The following SLX4 variants were observed in gnomAD, a reference collection of about 807,000 sequenced individuals.
SLX4 encodes SLX4 structure-specific endonuclease subunit, also known as structure-specific endonuclease subunit SLX4.
In SLX4, 112 loss-of-function variants were observed where a neutral mutation model predicts 146.2. That is an observed-to-expected ratio of 0.77 (90% CI 0.66 to 0.90). The LOEUF (loss-of-function observed/expected upper bound fraction) is 0.90. Ranked by LOEUF, SLX4 falls within the 40% of genes least tolerant of loss-of-function variation. The pLI, the probability that SLX4 is intolerant of heterozygous loss-of-function variation, is 0.00. For synonymous variants in SLX4, 1,061 were observed against 997.7 expected, an observed-to-expected ratio of 1.06 and a Z score of -1.20; for missense variants, 2,563 against 2,392.7, an observed-to-expected ratio of 1.07 and a Z score of -1.49.
rs1226425568 is a variant in SLX4, at chr16:3,588,834, G to A, written c.4636+168C>T. The stretch of plus-strand genomic sequence containing the variant: ...AGAAGTGTAGCATGAGAACCAGCCC[G>A]GCTCTCCTCCACTGTGGAGGGGAGT... On this transcript the variant is annotated intron_variant, in intron 12 of 14. Coordinates refer to ENST00000294008, the MANE Select transcript of SLX4 (RefSeq NM_032444.4). Among the ~76,000 whole-genome samples, 3 of 152,116 alleles carry A rather than the reference G, an allele frequency of 2.0e-5. No homozygotes were observed. In the East Asian group the frequency reaches 5.8e-4, roughly 29 times the overall value.
At position 3,609,068 on chromosome 16, in the gene SLX4, T is replaced by C. The variant is rs73505426; in HGVS notation, c.-104A>G. 3,782 of 1,400,416 alleles carry C rather than the reference T, an allele frequency of 2.7e-3. 91 individuals are homozygous for C. The African/African-American group carries it at 0.048, about 18-fold the overall frequency. The allele number at this position is 1,400,416 out of a possible 1,614,324, so 86.7% of individuals were successfully genotyped here. On this transcript the variant is annotated 5_prime_UTR_variant, in exon 2 of 15. Transcript: ENST00000294008. ...AATGATTGAAGTATCTTTGTTCAAA[T>C]TGGGCCTGTGGTTAAACATGTTTAA...
intron 12 of SLX4, among the ~76,000 whole-genome samples, chr16:3,586,294 G>A (rs2040508011): frequency 6.6e-6 from 1 of 152,054 alleles, no homozygotes. Flanking sequence ...CCATCAGTGG[G>A]GTATTAGACA....
At chr16:3,603,478 A>G (rs55645258) in intron 3 of SLX4, among the ~76,000 whole-genome samples, 1 of 152,168 alleles carries the variant, frequency 6.6e-6, no homozygotes. Context: ...CTCCTCTGCA[A>G]CTCACATGTG....
In SLX4 at chr16:3,596,407, G is replaced by C. The variant is rs1567173446; in HGVS notation, c.1684-14C>G. ...CTGCATAAGGCCCTGAAAGAAGCCA[G>C]TAAGGAGAGTGACCACGTGGTCACT... On this transcript the variant is annotated splice_polypyrimidine_tract_variant and intron_variant, in intron 7 of 14. Coordinates refer to ENST00000294008, the MANE Select transcript of SLX4 (RefSeq NM_032444.4). The C allele has an allele frequency of 3.2e-6, 5 of 1,581,462 alleles. No individual in the cohort carries two copies. Among genetic ancestry groups the C allele is most frequent in the Non-Finnish European group, 3.4e-6 (4 of 1,160,358 alleles).
In SLX4 at chr16:3,606,623, C is replaced by T. The variant is rs1410797507; in HGVS notation, c.611G>A (p.Arg204His). The change falls in exon 3 of 15, where the codon CGC (arginine) becomes CAC (histidine). Residue 204 changes from arginine (R) to histidine (H), a missense_variant. Coordinates refer to ENST00000294008, the MANE Select transcript of SLX4 (RefSeq NM_032444.4). ...TTAVPSPSKP[R>H]TAQLVLQRMQ... ...TCGCTGTAGGACCAATTGTGCTGTG[C>T]GGGGTTTGGAGGGACTTGGCACTGC... is the stretch of plus-strand genomic sequence containing the variant. The T allele has an allele frequency of 1.3e-5, 21 of 1,614,006 alleles. No individual in the cohort carries two copies. The highest frequency in any genetic ancestry group is 1.7e-5 in the Non-Finnish European group (20 of 1,180,040).
At chr16:3,596,474 G>A (rs1403916727) in intron 7 of SLX4, 81 bp from the exon 8 acceptor site, 2 of 1,463,768 alleles carry the variant, frequency 1.4e-6, no homozygotes, top group Non-Finnish European at 1.8e-6. Context: ...CATGTGGTAT[G>A]CACGGCTGGA....
intron 3 of SLX4, among the ~76,000 whole-genome samples, chr16:3,605,582 G>A (rs1485478703): frequency 1.3e-5 from 2 of 152,082 alleles, no homozygotes; most frequent in Non-Finnish European, 2.9e-5. Context: ...AGTTCTTTGT[G>A]AATACTGAGG....
rs78100590 is a variant in SLX4, at chr16:3,586,100, A to G, written c.4637-1229T>C. Among the ~76,000 whole-genome samples, 1,361 of 152,322 alleles carry G rather than the reference A, an allele frequency of 8.9e-3. 21 individuals are homozygous for G. Among genetic ancestry groups the G allele is most frequent in the African/African-American group, 0.031 (1,302 of 41,568 alleles). Reference sequence around the variant, plus strand: ...GAAAACAGTCTCGCAGTTCCTCACAATGCTAAACACAGTTGCCATATGACC... The same window carrying G: ...GAAAACAGTCTCGCAGTTCCTCACAGTGCTAAACACAGTTGCCATATGACC... On this transcript the variant is annotated intron_variant, in intron 12 of 14. Transcript: ENST00000294008.
rs572291726 is a variant in SLX4 at position 3,597,398 on chromosome 16, A to T, written c.1664T>A (p.Val555Glu). The T allele has an allele frequency of 6.3e-7, 1 of 1,587,672 alleles. No homozygotes were observed. Among genetic ancestry groups the T allele is most frequent in the African/African-American group, 1.3e-5 (1 of 74,700 alleles). Residue 555 changes from valine (V) to glutamate (E), a missense_variant, in exon 7 of 15, where the codon GTG becomes GAG. Physicochemically the swap from Val to Glu is moderately radical, Grantham distance 121. Transcript: ENST00000294008. This position sits in a 1 kb window ranked among gnomAD's most constrained non-coding sequence, Gnocchi z 4.4. ...FYTARLVPPLVPQRPAQGLMQ... is the reference protein window; with the variant it reads ...FYTARLVPPLEPQRPAQGLMQ... The stretch of plus-strand genomic sequence containing the variant: ...ACTCACCTGGGCAGGCCGCTGGGGC[A>T]CGAGAGGAGGGACCAGCCTGGCCGT...
chr16:3,587,628 G>C (rs2040522921), intron 12 of SLX4, among the ~76,000 whole-genome samples: 1 of 152,186 alleles, frequency 6.6e-6, no homozygotes, highest in Non-Finnish European at 1.5e-5. Context: ...CAGATCTGCT[G>C]TGCAGCCTCC....
chr16:3,604,180 C>T (rs142771711), intron 3 of SLX4, among the ~76,000 whole-genome samples: 4 of 147,706 alleles, frequency 2.7e-5, no homozygotes, highest in South Asian at 2.1e-4. Flanking sequence ...TGCAGTGAAC[C>T]GAGATTGTGC....
rs566646281 is a variant in SLX4 at position 3,595,823 on chromosome 16, C to T, written c.1925-130G>A. 2.4e-5 allele frequency: 26 copies of T among 1,103,952 alleles called. No individual in the cohort carries two copies. In the African/African-American group the frequency reaches 3.4e-4, roughly 14 times the overall value. The allele number at this position is 1,103,952 out of a possible 1,614,324, so 68.4% of individuals were successfully genotyped here. A position where few individuals can be genotyped will look rare whatever the true frequency, so the allele number is the denominator to read the frequency against. On this transcript the variant is annotated intron_variant, in intron 8 of 14. Coordinates refer to ENST00000294008, the MANE Select transcript of SLX4 (RefSeq NM_032444.4). ...GAAGGTGCTTGCTATCCGAGGACAC[C>T]TTCATGCAAAGCAAACCCGCACACC...
chr16:3,595,573 A>C (rs902850977), intron 9 of SLX4, 32 bp downstream of exon 9: 1 of 1,611,438 alleles, frequency 6.2e-7, no homozygotes. Flanking sequence ...GATGGCCGGG[A>C]CCAGAGAGCG....
chr16:3,590,113 A>G lies in SLX4; in HGVS notation c.3525T>C (p.Pro1175=). 1 of 1,614,172 alleles carries G rather than the reference A, an allele frequency of 6.2e-7. No homozygotes were observed. Among genetic ancestry groups the G allele is most frequent in the African/African-American group, 1.3e-5 (1 of 75,044 alleles). The change falls in exon 12 of 15, where the codon CCT becomes CCC. Residue 1175 remains proline, a synonymous_variant. Coordinates refer to ENST00000294008, the MANE Select transcript of SLX4 (RefSeq NM_032444.4). This position sits in a 1 kb window ranked among gnomAD's most constrained non-coding sequence, Gnocchi z 4.8. ...TTTCTAGAGCTTTCTTTTCTTCCAGAGGATCACTAGAAATGGACTTCATTT... is the reference window on the plus strand; with the variant it reads ...TTTCTAGAGCTTTCTTTTCTTCCAGGGGATCACTAGAAATGGACTTCATTT... ...QTKMKSISSD[P]LEEKKALEIS...
intron 3 of SLX4, among the ~76,000 whole-genome samples, chr16:3,602,590 G>T (rs1399217877): frequency 1.3e-5 from 2 of 152,212 alleles, no homozygotes; most frequent in Non-Finnish European, 2.9e-5. Context: ...TGCAGCCTGA[G>T]ACTCTCCGCA....
chr16:3,583,276 T>C lies in SLX4; in HGVS notation c.4974A>G (p.Gly1658=). The change falls in exon 14 of 15, where the codon GGA becomes GGG. Residue 1658 remains glycine (G), a synonymous_variant. Transcript: ENST00000294008. ...TTGPGAHRPK[G]PAKTKGPRHQ... ...GTCGGGGGCCCTTGGTCTTAGCAGG[T>C]CCCTTGGGCCTATGGGCCCCAGGTC... 1 of 1,614,076 alleles carries C rather than the reference T, an allele frequency of 6.2e-7. No individual in the cohort carries two copies.
intron 12 of SLX4, among the ~76,000 whole-genome samples, chr16:3,588,207 C>A (rs953887477): frequency 1.3e-4 from 20 of 152,230 alleles, no homozygotes; most frequent in African/African-American, 4.8e-4. Context: ...CAAAAGGACA[C>A]CCTGTATCCC....
Position 3,590,381 on chromosome 16 carries a change from C to T in SLX4, c.3257G>A (p.Arg1086Lys), listed in dbSNP as rs2151123945. Residue 1086 changes from arginine to lysine, a missense_variant, in exon 12 of 15, where the codon AGG becomes AAG. Transcript: ENST00000294008. The surrounding 1 kb of genome is among the most constrained non-coding windows in gnomAD (Gnocchi z 4.8). The part of the protein sequence containing the change: ...PAVPSKQKRD[R>K]SILTLSKEPG... ...CTCTTTAGACAGCGTGAGGATGCTC[C>T]TGTCCCTTTTCTGCTTTGATGGCAC... 1.9e-6 allele frequency: 3 copies of T among 1,614,246 alleles called. No homozygotes were observed. The highest frequency in any genetic ancestry group is 2.5e-6 in the Non-Finnish European group (3 of 1,180,048).
chr16:3,583,060 CAT>C (rs1394354027), intron 14 of SLX4, 35 bp downstream of exon 14: 1 of 1,613,496 alleles, frequency 6.2e-7, no homozygotes, highest in Non-Finnish European at 8.5e-7. Flanking sequence ...CCAGAGGATA[CAT>C]GAGGCCACTG....
Sources: allele counts gnomAD v4.1 joint callset (sites outside exome capture counted in the v4.1 genomes callset), GRCh38; gene constraint gnomAD v4.1.1; non-coding constraint Gnocchi (gnomAD v3.1); transcripts MANE v1.5; gene names NCBI Gene and HGNC (gene_info 2026-07-23, HGNC 2026-07-21).